The following BBS9 variants were observed in gnomAD, a reference collection of about 807,000 sequenced individuals.
BBS9 encodes Bardet-Biedl syndrome 9.
Under a neutral mutation model 117.7 loss-of-function variants are expected in BBS9, and 89 were observed. The ratio of observed to expected loss-of-function variants is 0.76; its 90% CI spans 0.64 to 0.90. The LOEUF is 0.90. Ranked by LOEUF, BBS9 falls within the 40% of genes least tolerant of loss-of-function variation. BBS9 has a pLI of 0.00. For synonymous variants in BBS9, 379 were observed against 370.9 expected (o/e 1.02, Z -0.25); for missense variants, 982 against 1,042.2 (o/e 0.94, Z 0.80).
intron 4 of BBS9, among the ~76,000 whole-genome samples, chr7:33,158,829 T>A (rs772064873): frequency 4.0e-5 from 6 of 151,596 alleles, no homozygotes; most frequent in Admixed American, 6.6e-5. Flanking sequence ...AAAGAATGAT[T>A]TGTGAATTGG....
chr7:33,227,682 C>T (rs1240675716), intron 5 of BBS9, among the ~76,000 whole-genome samples: 1 of 152,040 alleles, frequency 6.6e-6, no homozygotes, highest in Admixed American at 6.6e-5. Flanking sequence ...TAACTTAGCT[C>T]CCACTTATGA....
chr7:33,163,682 T>A (rs1043457406), intron 4 of BBS9, among the ~76,000 whole-genome samples: 2 of 152,184 alleles, frequency 1.3e-5, no homozygotes, highest in Non-Finnish European at 2.9e-5. Context: ...TGATATCCCC[T>A]TTATCATTTT....
chr7:33,355,784 A>G (rs989194623), intron 15 of BBS9, among the ~76,000 whole-genome samples: 42 of 152,026 alleles, frequency 2.8e-4, no homozygotes, highest in African/African-American at 1.0e-3. Flanking sequence ...CTGAAAACAT[A>G]TACACTACCA....
chr7:33,332,405 T>C (rs917777239), intron 9 of BBS9, among the ~76,000 whole-genome samples: 2 of 152,040 alleles, frequency 1.3e-5, no homozygotes, highest in African/African-American at 4.8e-5. Flanking sequence ...AGAGGCCAGG[T>C]GTGGGGCTCA....
intron 5 of BBS9, among the ~76,000 whole-genome samples, chr7:33,243,859 C>T (rs180846616): frequency 6.6e-6 from 1 of 152,278 alleles, no homozygotes; most frequent in East Asian, 1.9e-4. Context: ...ACATTTTTTA[C>T]TTCCTACTTA....
At chr7:33,579,965 C>CA (rs1380003601) in intron 21 of BBS9, among the ~76,000 whole-genome samples, 1 of 152,078 alleles carries the variant, frequency 6.6e-6, no homozygotes, top group East Asian at 1.9e-4. Context: ...ATAAATGCAG[C>CA]AAAAAGTTTT....
intron 6 of BBS9, among the ~76,000 whole-genome samples, chr7:33,260,095 G>A (rs371448983): frequency 1.4e-4 from 21 of 151,314 alleles, no homozygotes; most frequent in Non-Finnish European, 2.8e-4. Context: ...TGCCTCCCGC[G>A]TTCAAGCAAT....
At chr7:33,515,836 G>C (rs1352223785) in intron 20 of BBS9, among the ~76,000 whole-genome samples, 1 of 152,190 alleles carries the variant, frequency 6.6e-6, no homozygotes, top group Non-Finnish European at 1.5e-5. Context: ...TGCTTTGTGA[G>C]AAAATATGAA....
chr7:33,401,510 C>T (rs1326092625), intron 19 of BBS9, among the ~76,000 whole-genome samples: 1 of 141,370 alleles, frequency 7.1e-6, no homozygotes, highest in Non-Finnish European at 1.5e-5. Flanking sequence ...TCAACCAATA[C>T]ATGTAAGATG....
chr7:33,472,213 C>G (rs534310917), intron 19 of BBS9, among the ~76,000 whole-genome samples: 5 of 152,258 alleles, frequency 3.3e-5, no homozygotes, highest in African/African-American at 1.2e-4. Context: ...ATAGGCATAT[C>G]TAAAGCACTG....
chr7:33,541,613 A>G (rs1852314328), intron 21 of BBS9, among the ~76,000 whole-genome samples: 1 of 152,236 alleles, frequency 6.6e-6, no homozygotes, highest in Non-Finnish European at 1.5e-5. Context: ...ATATTCTTTA[A>G]TAATAAAAAT....
At position 33,505,564 on chromosome 7, in the gene BBS9, G is replaced by A. The variant is rs749322793; in HGVS notation, c.2217G>A (p.Ala739=). 17 of 1,614,092 alleles carry A rather than the reference G, an allele frequency of 1.1e-5. No individual in the cohort carries two copies. The highest frequency in any genetic ancestry group is 5.3e-5 in the African/African-American group (4 of 75,052). The change falls in exon 20 of 23, where the codon GCG becomes GCA. Residue 739 remains alanine (A), a synonymous_variant. Coordinates refer to ENST00000242067, the MANE Select transcript of BBS9 (RefSeq NM_198428.3). ...CCCATTTGGTGATTCTGCTGATCGC[G>A]CTGTGGCAGAAGCTTAGTGCTGACC... ...SATHLVILLI[A]LWQKLSADQV... is the part of the protein sequence containing the mutation.
At chr7:33,353,005 A>G (rs1818957508) in intron 15 of BBS9, 132 bp downstream of exon 15, 1 of 910,070 alleles carries the variant, frequency 1.1e-6, no homozygotes, top group Non-Finnish European at 1.7e-6. Flanking sequence ...TTAGGATGAT[A>G]CAGTGCCTTG....
intron 21 of BBS9, among the ~76,000 whole-genome samples, chr7:33,585,251 A>G (rs889315859): frequency 2.0e-5 from 3 of 152,094 alleles, no homozygotes; most frequent in African/African-American, 7.2e-5. Context: ...TACTAAGAGG[A>G]AACTTCAGTG....
At chr7:33,516,696 A>G (rs1847865218) in intron 20 of BBS9, among the ~76,000 whole-genome samples, 1 of 152,174 alleles carries the variant, frequency 6.6e-6, no homozygotes, top group African/African-American at 2.4e-5. Flanking sequence ...TACAATAAAT[A>G]GGAAAAATCT....
chr7:33,574,711 A>ACACACACACACACACACGCG (rs1858449686), intron 21 of BBS9, among the ~76,000 whole-genome samples: 5 of 147,090 alleles, frequency 3.4e-5, no homozygotes, highest in Admixed American at 6.8e-5. Context: ...ACACACACAC[A>ACACACACACACACACACGCG]CACACACACA....
At chr7:33,236,052 G>A (rs1223685037) in intron 5 of BBS9, among the ~76,000 whole-genome samples, 3 of 151,996 alleles carry the variant, frequency 2.0e-5, no homozygotes, top group Admixed American at 6.6e-5. Flanking sequence ...ACAAGGTCGG[G>A]CATGGTGGTT....
intron 5 of BBS9, among the ~76,000 whole-genome samples, chr7:33,242,493 T>TG: frequency 6.6e-6 from 1 of 152,270 alleles, no homozygotes; most frequent in Admixed American, 6.5e-5. Context: ...TTTACCTTTA[T>TG]GGGGTTCACA....
chr7:33,529,102 G>A (rs1281288544), intron 20 of BBS9, among the ~76,000 whole-genome samples: 1 of 152,162 alleles, frequency 6.6e-6, no homozygotes, highest in African/African-American at 2.4e-5. Context: ...GACTAGGCAA[G>A]GCCAGGTCCT....
Sources: gnomAD v4.1 joint callset for allele counts (sites outside exome capture counted in the v4.1 genomes callset) on GRCh38, gnomAD v4.1.1 for gene constraint, MANE v1.5 for transcripts, NCBI Gene and HGNC (gene_info 2026-07-23, HGNC 2026-07-21) for gene names.